MED25: variants seen among roughly 807,000 people sequenced by gnomAD.
The protein encoded by MED25 is mediator complex subunit 25.
A neutral mutation model predicts 89.4 loss-of-function variants in MED25; 62 were observed. The observed-to-expected ratio is 0.69, with a 90% CI of 0.57 to 0.86. MED25 has a LOEUF of 0.86. Among genes scored for constraint, MED25 ranks in the 40% least tolerant of loss-of-function variants. The pLI, the probability that MED25 is intolerant of heterozygous loss-of-function variation, is 0.00. For missense variants in MED25, 905 were observed against 1,005.2 expected (o/e 0.90, Z 1.35); for synonymous variants, 449 against 427.9 (o/e 1.05, Z -0.61).
At position 49,836,550 on chromosome 19, in the gene MED25, A is replaced by AG. The variant is rs1421079536; in HGVS notation, c.2146+147dup. 1 of 1,062,374 alleles carries AG rather than the reference A, an allele frequency of 9.4e-7. No individual in the cohort carries two copies. Among genetic ancestry groups the AG allele is most frequent in the Non-Finnish European group, 1.4e-6 (1 of 702,578 alleles). 65.8% of individuals were successfully genotyped at this position (1,062,374 alleles called of 1,614,324 possible). A position where few individuals can be genotyped will look rare whatever the true frequency, so the allele number is the denominator to read the frequency against. ...CCCCCATGGCCTTTGCGGAGCTCTG[A>AG]GGGCTCCGGGAAAGTACAGCCCATG... On this transcript the variant is annotated intron_variant, in intron 17 of 17. Transcript: ENST00000312865. The surrounding 1 kb of genome is among the most constrained non-coding windows in gnomAD (Gnocchi z 5.1).
Position 49,820,930 on chromosome 19 carries a change from T to C in MED25, c.305+1634T>C, listed in dbSNP as rs143222943. Among the ~76,000 whole-genome samples, 415 of 152,344 alleles carry C rather than the reference T, an allele frequency of 2.7e-3. 6 individuals carry two copies. The highest frequency in any genetic ancestry group is 0.023 in the Admixed American group (357 of 15,298). On this transcript the variant is annotated intron_variant, in intron 3 of 17. Coordinates refer to ENST00000312865, the MANE Select transcript of MED25 (RefSeq NM_030973.4). ...ACTTGTGAAGTGGGGATGTGGATAG[T>C]ACTTGTATTAGTATTTCATTGTATT... is the stretch of plus-strand genomic sequence containing the variant.
Position 49,836,817 on chromosome 19 carries a change from A to C in MED25, c.2147-30A>C. The C allele has an allele frequency of 1.3e-6, 2 of 1,558,782 alleles. No homozygotes were observed. The highest frequency in any genetic ancestry group is 1.8e-6 in the Non-Finnish European group (2 of 1,133,286). ...CTCCTGGGCCCAAGGGCCTACTGGGAGATGCAGTCCCTTCCCCACTGCCCC... is the reference window on the plus strand; with the variant it reads ...CTCCTGGGCCCAAGGGCCTACTGGGCGATGCAGTCCCTTCCCCACTGCCCC... On this transcript the variant is annotated intron_variant, in intron 17 of 17. Transcript: ENST00000312865. This position sits in a 1 kb window ranked among gnomAD's most constrained non-coding sequence, Gnocchi z 5.1.
downstream of MED25, chr19:49,839,842 G>A (rs1351594019): frequency 1.3e-5 from 2 of 152,162 alleles, no homozygotes; most frequent in African/African-American, 4.8e-5. Context: ...AAAGGCTCTC[G>A]GAATCCAGAC....
At chr19:49,833,144 T>C (rs1012867115) in intron 13 of MED25, 1 of 153,266 alleles carries the variant, frequency 6.5e-6, no homozygotes, top group Non-Finnish European at 1.5e-5. Flanking sequence ...TTCACTGTTG[T>C]CAGCCAGGCT....
At chr19:49,839,039 C>T (rs929765059), downstream of MED25, 9 of 313,408 alleles carry the variant, frequency 2.9e-5, no homozygotes, top group East Asian at 1.7e-4. Flanking sequence ...GGAGATAACT[C>T]GGGGGATTTA....
At position 49,836,905 on chromosome 19, in the gene MED25, C is replaced by T; in HGVS notation, c.2205C>T (p.Pro735=). Residue 735 remains proline, a synonymous_variant, in exon 18 of 18, where the codon CCC becomes CCT. Coordinates refer to ENST00000312865, the MANE Select transcript of MED25 (RefSeq NM_030973.4). This position sits in a 1 kb window ranked among gnomAD's most constrained non-coding sequence, Gnocchi z 5.1. ...CGGTCCCCCAGCCGGGCCTGCAGCC[C>T]AGCGTCATGGAGGACGACATCCTCA... The part of the protein sequence containing the change: ...RGPVPQPGLQ[P]SVMEDDILMD... 1 of 1,613,054 alleles carries T rather than the reference C, an allele frequency of 6.2e-7. No homozygotes were observed. The highest frequency in any genetic ancestry group is 8.5e-7 in the Non-Finnish European group (1 of 1,179,868).
At position 49,834,568 on chromosome 19, in the gene MED25, C is replaced by G. The variant is rs2074081825; in HGVS notation, c.1483-418C>G. ...GCCGGTGCTGAGGGCTGGAGGATCTCTTGGATACCCGGGGTCCGACCCACC... is the reference window on the plus strand; with the variant it reads ...GCCGGTGCTGAGGGCTGGAGGATCTGTTGGATACCCGGGGTCCGACCCACC... On this transcript the variant is annotated intron_variant, in intron 13 of 17. Coordinates refer to ENST00000312865, the MANE Select transcript of MED25 (RefSeq NM_030973.4). This position sits in a 1 kb window ranked among gnomAD's most constrained non-coding sequence, Gnocchi z 4.1. 3.4e-6 allele frequency: 1 copy of G among 296,674 alleles called. No homozygotes were observed. Among genetic ancestry groups the G allele is most frequent in the South Asian group, 3.3e-5 (1 of 30,256 alleles). 18.4% of individuals were successfully genotyped at this position (296,674 alleles called of 1,614,324 possible).
At position 49,835,206 on chromosome 19, in the gene MED25, C is replaced by A; in HGVS notation, c.1674+29C>A. 1 of 1,612,188 alleles carries A rather than the reference C, an allele frequency of 6.2e-7. No individual in the cohort carries two copies. The highest frequency in any genetic ancestry group is 8.5e-7 in the Non-Finnish European group (1 of 1,178,596). On this transcript the variant is annotated intron_variant, in intron 14 of 17. Transcript: ENST00000312865. The surrounding 1 kb of genome is among the most constrained non-coding windows in gnomAD (Gnocchi z 6.2). ...AGTGTTGACAGTCCCCAAACCAGCA[C>A]TCCGACCCCCTCCTGCCCGGGCCCC...
At position 49,835,338 on chromosome 19, in the gene MED25, T is replaced by C. The variant is rs901266352; in HGVS notation, c.1674+161T>C. Among the ~76,000 whole-genome samples the C allele has an allele frequency of 6.6e-6, 1 of 152,174 alleles. No homozygotes were observed. The highest frequency in any genetic ancestry group is 2.4e-5 in the African/African-American group (1 of 41,420). On this transcript the variant is annotated intron_variant, in intron 14 of 17. Transcript: ENST00000312865. The surrounding 1 kb of genome is among the most constrained non-coding windows in gnomAD (Gnocchi z 6.2). ...ATTTTCTTGCAGTCTCTCTCCTTTT[T>C]CAGCATCCACATCAAAGCCCTGACA...
At chr19:49,838,292 TCACA>T (rs144519267), downstream of MED25, 11 of 313,654 alleles carry the variant, frequency 3.5e-5, no homozygotes, top group African/African-American at 1.7e-4. Context: ...TCAGGTTAAT[TCACA>T]CACACACACG....
At position 49,834,610 on chromosome 19, in the gene MED25, T is replaced by G. The variant is rs933997366; in HGVS notation, c.1483-376T>G. The G allele has an allele frequency of 7.4e-5, 26 of 351,414 alleles. No individual in the cohort carries two copies. The highest frequency in any genetic ancestry group is 3.4e-4 in the South Asian group (14 of 40,650). The allele number at this position is 351,414 out of a possible 1,614,324, so 21.8% of individuals were successfully genotyped here. On this transcript the variant is annotated intron_variant, in intron 13 of 17. Transcript: ENST00000312865. This position sits in a 1 kb window ranked among gnomAD's most constrained non-coding sequence, Gnocchi z 4.1. ...CGACCCACCGTTGATCACAGGCCTG[T>G]GGGTACCACGCTGTGCATCTAGGCC...
At chr19:49,828,802 G>A (rs968902036) in intron 4 of MED25, among the ~76,000 whole-genome samples, 168 bp from the exon 5 acceptor site, 1 of 152,226 alleles carries the variant, frequency 6.6e-6, no homozygotes, top group Non-Finnish European at 1.5e-5. Flanking sequence ...GTGACGTAGA[G>A]CACATCCCAG....
downstream of MED25, among the ~76,000 whole-genome samples, chr19:49,837,964 C>T (rs1306245625): frequency 6.6e-6 from 1 of 152,052 alleles, no homozygotes; most frequent in Non-Finnish European, 1.5e-5. Flanking sequence ...AGGTGAGGGA[C>T]CTGAAGGATG....
intron 2 of MED25, chr19:49,818,969 G>T: frequency 1.5e-6 from 1 of 661,398 alleles, no homozygotes; most frequent in Non-Finnish European, 2.6e-6. Flanking sequence ...TGGGCTCCTG[G>T]GTCTGAGGGA....
At chr19:49,819,333 C>T (rs1212487397) in intron 3 of MED25, 37 bp downstream of exon 3, 1 of 1,609,978 alleles carries the variant, frequency 6.2e-7, no homozygotes, top group Admixed American at 1.7e-5. Context: ...TTGCTGGTCC[C>T]TGTGAGGGGC....
Position 49,832,420 on chromosome 19 carries a change from G to A in MED25, c.1482+5G>A. 2 of 1,542,164 alleles carry A rather than the reference G, an allele frequency of 1.3e-6. No individual in the cohort carries two copies. The highest frequency in any genetic ancestry group is 1.8e-6 in the Non-Finnish European group (2 of 1,117,276). Reference sequence around the variant, plus strand: ...CGCATCATGGGCAACGGCTTCGTGAGTCCAGGGCATGGGGGGCCGAGGGGT... The same window carrying A: ...CGCATCATGGGCAACGGCTTCGTGAATCCAGGGCATGGGGGGCCGAGGGGT... On this transcript the variant is annotated splice_donor_5th_base_variant and intron_variant, in intron 13 of 17. Transcript: ENST00000312865.
Position 49,831,556 on chromosome 19 carries a change from G to T in MED25, c.1230+95G>T. The T allele has an allele frequency of 6.8e-7, 1 of 1,467,252 alleles. No individual in the cohort carries two copies. Among genetic ancestry groups the T allele is most frequent in the East Asian group, 2.4e-5 (1 of 41,770 alleles). 90.9% of individuals were successfully genotyped at this position (1,467,252 alleles called of 1,614,324 possible). On this transcript the variant is annotated intron_variant, in intron 10 of 17. Transcript: ENST00000312865. The surrounding 1 kb of genome is among the most constrained non-coding windows in gnomAD (Gnocchi z 5.0). ...TGGGGCCAGATGCGTGGGGTCTGCA[G>T]TGCTGGGTTTGGAGGCATTCGTTGC...
At chr19:49,828,796 C>T (rs1293700555) in intron 4 of MED25, among the ~76,000 whole-genome samples, 174 bp from the exon 5 acceptor site, 4 of 152,230 alleles carry the variant, frequency 2.6e-5, no homozygotes, top group African/African-American at 7.2e-5. Context: ...TGCTGGGTGA[C>T]GTAGAGCACA....
Position 49,828,423 on chromosome 19 carries a change from G to C in MED25, c.306-26G>C, listed in dbSNP as rs779566474. The C allele has an allele frequency of 4.2e-6, 6 of 1,435,258 alleles. No individual in the cohort carries two copies. In the Admixed American group the frequency reaches 1.1e-4, roughly 25 times the overall value. 88.9% of individuals were successfully genotyped at this position (1,435,258 alleles called of 1,614,324 possible). On this transcript the variant is annotated intron_variant, in intron 3 of 17. Transcript: ENST00000312865. The stretch of plus-strand genomic sequence containing the variant: ...TGGGGATGGGGATGATGGCAACCCT[G>C]GGGGCTGACCGCTCTGCCCCTGCAG...
Sources: gnomAD v4.1 joint callset for allele counts (sites outside exome capture counted in the v4.1 genomes callset) on GRCh38, gnomAD v4.1.1 for gene constraint, Gnocchi (gnomAD v3.1) non-coding constraint, MANE v1.5 for transcripts, NCBI Gene and HGNC (gene_info 2026-07-23, HGNC 2026-07-21) for gene names.